The following CNPY1 variants were observed in gnomAD, a reference collection of about 807,000 sequenced individuals.
The protein encoded by CNPY1 is protein canopy homolog 1.
A neutral mutation model predicts 14.4 loss-of-function variants in CNPY1; 14 were observed. The ratio of observed to expected loss-of-function variants is 0.97; its 90% CI spans 0.64 to 1.52. CNPY1 has a LOEUF of 1.52. Ranked by LOEUF, CNPY1 falls within the 40% of genes most tolerant of loss-of-function variation. CNPY1 has a pLI of 0.00. For synonymous variants in CNPY1, 43 were observed against 46.5 expected, an observed-to-expected ratio of 0.92 and a Z score of 0.31; for missense variants, 129 against 131.5, an observed-to-expected ratio of 0.98 and a Z score of 0.09.
intron 4 of CNPY1, among the ~76,000 whole-genome samples, chr7:155,504,710 A>T (rs890239951): frequency 4.6e-5 from 7 of 151,898 alleles, no homozygotes; most frequent in Admixed American, 1.3e-4. Context: ...ACACACACAC[A>T]CACACACACA....
At chr7:155,527,030 T>TTTTC (rs1554449557) in intron 2 of CNPY1, among the ~76,000 whole-genome samples, 7,055 of 83,120 alleles carry the variant, frequency 0.085, 535 homozygotes, top group Non-Finnish European at 0.1. Flanking sequence ...TTCTTTTCTT[T>TTTTC]TTTCTTTCTT....
Position 155,529,776 on chromosome 7 carries a change from CT to C in CNPY1, c.99+16054del, listed in dbSNP as rs55718141. Among the ~76,000 whole-genome samples, 777 of 146,468 alleles carry C rather than the reference CT, an allele frequency of 5.3e-3. 6 individuals carry two copies. Among genetic ancestry groups the C allele is most frequent in the African/African-American group, 0.016 (652 of 39,840 alleles). ...TAAGGTCACCCTTCAAGTTTCTTTT[CT>C]TTTTTTTTTTTCTTTAATTTTTTGA... On this transcript the variant is annotated intron_variant, in intron 2 of 4. Coordinates refer to ENST00000636446, the MANE Select transcript of CNPY1 (RefSeq NM_001393663.1).
intron 2 of CNPY1, among the ~76,000 whole-genome samples, chr7:155,518,966 C>T (rs1178255504): frequency 6.6e-6 from 1 of 152,224 alleles, no homozygotes; most frequent in East Asian, 1.9e-4. Context: ...AATCCAATTC[C>T]AGTTTAGAAA....
chr7:155,533,656 C>T (rs1184695588), intron 2 of CNPY1: 1 of 152,212 alleles, frequency 6.6e-6, no homozygotes, highest in Non-Finnish European at 1.5e-5. Context: ...GTCCACAGCG[C>T]CGGGCGTTAT....
At chr7:155,516,511 T>A (rs1796624934) in intron 2 of CNPY1, among the ~76,000 whole-genome samples, 2 of 152,034 alleles carry the variant, frequency 1.3e-5, no homozygotes, top group South Asian at 4.2e-4. Context: ...CAATAGGAAC[T>A]CTCAGATGAG....
intron 2 of CNPY1, among the ~76,000 whole-genome samples, chr7:155,523,263 G>A (rs1031304671): frequency 8.5e-5 from 13 of 152,284 alleles, no homozygotes; most frequent in East Asian, 7.7e-4. Flanking sequence ...GTCTGAACCC[G>A]CCTGGATGAG....
chr7:155,527,493 G>T (rs1410817876), intron 2 of CNPY1, among the ~76,000 whole-genome samples: 1 of 125,546 alleles, frequency 8.0e-6, no homozygotes, highest in Non-Finnish European at 1.6e-5. Flanking sequence ...AGGCTGGAGT[G>T]CAGTGGTGCA....
At chr7:155,503,540 CG>C (rs770409027) in intron 4 of CNPY1, among the ~76,000 whole-genome samples, 1 of 151,908 alleles carries the variant, frequency 6.6e-6, no homozygotes, top group Non-Finnish European at 1.5e-5. Context: ...CAAACTCTAT[CG>C]AAAAAGGCTA....
At chr7:155,535,167 C>T (rs1797008993) in intron 2 of CNPY1, among the ~76,000 whole-genome samples, 2 of 152,236 alleles carry the variant, frequency 1.3e-5, no homozygotes, top group Admixed American at 6.5e-5. Flanking sequence ...CCAAATCCAA[C>T]ATTTGTGGGG....
intron 2 of CNPY1, among the ~76,000 whole-genome samples, chr7:155,522,117 G>A (rs1796737500): frequency 1.3e-5 from 2 of 152,246 alleles, no homozygotes; most frequent in South Asian, 2.1e-4. Context: ...GTGGAGAGTC[G>A]GGCTGTGCTC....
rs575359157 is a variant in CNPY1, at chr7:155,530,505, A to G, written c.99+15326T>C. Reference sequence around the variant, plus strand: ...CCATGCCCAGCTATATCTTTTTAACAAAGTTTTTTACAAATGGGATCTTGC... The same window carrying G: ...CCATGCCCAGCTATATCTTTTTAACGAAGTTTTTTACAAATGGGATCTTGC... On this transcript the variant is annotated intron_variant, in intron 2 of 4. Coordinates refer to ENST00000636446, the MANE Select transcript of CNPY1 (RefSeq NM_001393663.1). Among the ~76,000 whole-genome samples, 3 of 152,062 alleles carry G rather than the reference A, an allele frequency of 2.0e-5. No individual in the cohort carries two copies. The South Asian group carries it at 6.2e-4, about 32-fold the overall frequency.
chr7:155,514,261 G>A (rs901976571), intron 2 of CNPY1, among the ~76,000 whole-genome samples: 5 of 152,210 alleles, frequency 3.3e-5, no homozygotes, highest in Admixed American at 2.6e-4. Flanking sequence ...GGACGCTTCC[G>A]TGATTCTGCA....
At position 155,509,040 on chromosome 7, in the gene CNPY1, G is replaced by T. The variant is rs772743458; in HGVS notation, c.157C>A (p.Arg53=). Residue 53 remains arginine, a synonymous_variant, in exon 3 of 5, where the codon CGA becomes AGA. Transcript: ENST00000636446. ...LTDLLEKVCE[R]MNDYKLEEDP... ...TCCTCAAGCTTGTAGTCGTTCATTC[G>T]CTCACAGACTTTCTCCAAAAGATCC... The T allele has an allele frequency of 6.2e-7, 1 of 1,609,168 alleles. No homozygotes were observed.
rs1017439087 is a variant in CNPY1, at chr7:155,536,564, G to A, written c.99+9267C>T. ...GAGGACATGTGCTGGAGTCCCAGCC[G>A]TGGAACGTAGGCAGAAGCAAGGCCC... On this transcript the variant is annotated intron_variant, in intron 2 of 4. Transcript: ENST00000636446. The surrounding 1 kb of genome is among the most constrained non-coding windows in gnomAD (Gnocchi z 4.1). Among the ~76,000 whole-genome samples, 24 of 152,266 alleles carry A rather than the reference G, an allele frequency of 1.6e-4. No individual in the cohort carries two copies. Among genetic ancestry groups the A allele is most frequent in the Non-Finnish European group, 3.2e-4 (22 of 68,016 alleles).
intron 3 of CNPY1, 100 bp from the exon 4 acceptor site, chr7:155,507,216 T>C: frequency 1.3e-6 from 1 of 743,080 alleles, no homozygotes; most frequent in Non-Finnish European, 2.4e-6. Flanking sequence ...ACATAGGAAA[T>C]CATGTAACCA....
chr7:155,502,909 A>G lies in CNPY1; in HGVS notation c.*159T>C. 1 of 626,302 alleles carries G rather than the reference A, an allele frequency of 1.6e-6. No homozygotes were observed. Among genetic ancestry groups the G allele is most frequent in the East Asian group, 2.7e-5 (1 of 36,382 alleles). The allele number at this position is 626,302 out of a possible 1,614,324, so 38.8% of individuals were successfully genotyped here. A position where few individuals can be genotyped will look rare whatever the true frequency, so the allele number is the denominator to read the frequency against. On this transcript the variant is annotated 3_prime_UTR_variant, in exon 5 of 5. Coordinates refer to ENST00000636446, the MANE Select transcript of CNPY1 (RefSeq NM_001393663.1). The stretch of plus-strand genomic sequence containing the variant: ...AAACGCAGGGTTTGTCATGATGTCA[A>G]CCAACAGATTTTCAAAATGAATCAT...
chr7:155,524,123 T>C (rs1406490580), intron 2 of CNPY1, among the ~76,000 whole-genome samples: 1 of 152,210 alleles, frequency 6.6e-6, no homozygotes, highest in Non-Finnish European at 1.5e-5. Flanking sequence ...TGGATTGTAG[T>C]GCTTAGTTAT....
chr7:155,525,029 A>T (rs1796794466), intron 2 of CNPY1, among the ~76,000 whole-genome samples: 1 of 152,122 alleles, frequency 6.6e-6, no homozygotes, highest in Non-Finnish European at 1.5e-5. Flanking sequence ...CACCTGGTGA[A>T]CTACCCCTAA....
At chr7:155,508,788 T>G in intron 3 of CNPY1, 106 bp downstream of exon 3, 7 of 1,200,554 alleles carry the variant, frequency 5.8e-6, no homozygotes, top group South Asian at 5.4e-5. Context: ...CATTTTGATG[T>G]TCCATGTCTT....
Sources: gnomAD v4.1 joint callset for allele counts (sites outside exome capture counted in the v4.1 genomes callset) on GRCh38, gnomAD v4.1.1 for gene constraint, Gnocchi (gnomAD v3.1) non-coding constraint, MANE v1.5 for transcripts, NCBI Gene and HGNC (gene_info 2026-07-23, HGNC 2026-07-21) for gene names.